Variants in METTL3 observed in about 807,000 individuals in gnomAD.
METTL3 encodes methyltransferase 3, N6-adenosine-methyltransferase complex catalytic subunit, also known as N(6)-adenosine-methyltransferase catalytic subunit METTL3.
In METTL3, 42 loss-of-function variants were observed where a neutral mutation model predicts 64.3. That is an observed-to-expected ratio of 0.65 (90% CI 0.51 to 0.84). METTL3 has a LOEUF of 0.84. Among genes scored for constraint, METTL3 ranks in the 40% least tolerant of loss-of-function variants. The probability of loss-of-function intolerance (pLI) is 0.00; values close to 1 mark genes in which losing one functional copy is unlikely to be tolerated. For missense variants in METTL3, 435 were observed against 722.3 expected (o/e 0.60, Z 4.56); for synonymous variants, 256 against 263.6 (o/e 0.97, Z 0.28).
chr14:21,511,304 A>G lies in METTL3; in HGVS notation c.-81T>C, dbSNP rs916118148. On this transcript the variant is annotated 5_prime_UTR_variant, in exon 1 of 11. Coordinates refer to ENST00000298717, the MANE Select transcript of METTL3 (RefSeq NM_019852.5). ...CAGCACTCGCTCCAGGATATAGCCA[A>G]TTCTCACGCGGACACCCCGAAGGCT... is the stretch of plus-strand genomic sequence containing the variant. The G allele has an allele frequency of 2.2e-5, 33 of 1,518,280 alleles. No homozygotes were observed. The South Asian group carries it at 3.0e-4, about 14-fold the overall frequency. 94.1% of individuals were successfully genotyped at this position (1,518,280 alleles called of 1,614,324 possible).
chr14:21,504,548 G>A lies in METTL3; in HGVS notation c.101-667C>T, dbSNP rs1357467589. ...AATATCTGTGGTTAATTAAAATATA[G>A]ATGAAATATTAAACTCCTAAGAACT... On this transcript the variant is annotated intron_variant, in intron 1 of 10. Transcript: ENST00000298717. 7 of 152,236 alleles carry A rather than the reference G, an allele frequency of 4.6e-5. No homozygotes were observed. The East Asian group carries it at 1.3e-3, about 29-fold the overall frequency. The allele number at this position is 152,236 out of a possible 1,614,324, so 9.4% of individuals were successfully genotyped here. A position where few individuals can be genotyped will look rare whatever the true frequency, so the allele number is the denominator to read the frequency against.
In METTL3 at chr14:21,500,940, G is replaced by A. The variant is rs761825497; in HGVS notation, c.1089C>T (p.Ser363=). The stretch of plus-strand genomic sequence containing the variant: ...GAGGTGGGAAGAGTCGGTCTGCACT[G>A]GAATCACCTCCGACACTCTGTGTAA... ...LALTQSVGGD[S]SADRLFPPQW... is the part of the protein sequence containing the mutation. The change falls in exon 5 of 11, where the codon TCC becomes TCT. Residue 363 remains serine, a synonymous_variant. Transcript: ENST00000298717. The A allele has an allele frequency of 1.9e-6, 3 of 1,614,080 alleles. No homozygotes were observed. The highest frequency in any genetic ancestry group is 2.5e-6 in the Non-Finnish European group (3 of 1,180,002).
rs146603540 is a variant in METTL3, at chr14:21,499,522, G to A, written c.1422C>T (p.His474=). 4.6e-5 allele frequency: 75 copies of A among 1,614,100 alleles called. 1 individual carries two copies. In the African/African-American group the frequency reaches 8.8e-4, roughly 19 times the overall value. ...AGTGTTCCTTCCCATGGTTCAACCA[G>A]TGACCTGTACGGCCTGTCCGAATGA... is the stretch of plus-strand genomic sequence containing the variant. The part of the protein sequence containing the change: ...QRIIRTGRTG[H]WLNHGKEHCL... The change falls in exon 8 of 11, where the codon CAC becomes CAT. Residue 474 remains histidine, a synonymous_variant. Coordinates refer to ENST00000298717, the MANE Select transcript of METTL3 (RefSeq NM_019852.5).
chr14:21,503,502 T>G lies in METTL3; in HGVS notation c.394A>C (p.Lys132Gln). ...GCATCATCTTGTAGGAGACCTCGCT[T>G]TACCTCAATCAACTCCTGAGCTGCA... ...KFAAQELIEV[K>Q]RGLLQDDAHP... Residue 132 changes from lysine (K) to glutamine (Q), a missense_variant, in exon 3 of 11, where the codon AAG becomes CAG. Physicochemically the swap from Lys to Gln is moderately conservative, Grantham distance 53. Transcript: ENST00000298717. 1 of 1,612,188 alleles carries G rather than the reference T, an allele frequency of 6.2e-7. No homozygotes were observed.
chr14:21,506,893 A>G (rs1891711576), intron 1 of METTL3, among the ~76,000 whole-genome samples: 1 of 152,142 alleles, frequency 6.6e-6, no homozygotes, highest in Admixed American at 6.5e-5. Context: ...TAGCCAGGCA[A>G]GGTTGTATGT....
At position 21,499,719 on chromosome 14, in the gene METTL3, G is replaced by A. The variant is rs754054029; in HGVS notation, c.1343+45C>T. On this transcript the variant is annotated intron_variant, in intron 7 of 10. Coordinates refer to ENST00000298717, the MANE Select transcript of METTL3 (RefSeq NM_019852.5). ...GGGAGAAGAGAACATGTATCTCACT[G>A]TAACAGTATTACCCTCAAAAGAAAG... 7.5e-6 allele frequency: 12 copies of A among 1,594,304 alleles called. No homozygotes were observed. In the Middle Eastern group the frequency reaches 8.3e-4, roughly 110 times the overall value.
At chr14:21,499,440 A>C (rs1053310517) in intron 8 of METTL3, 52 bp downstream of exon 8, 2 of 1,608,298 alleles carry the variant, frequency 1.2e-6, no homozygotes, top group African/African-American at 1.3e-5. Context: ...TAAGAAATCA[A>C]ATGATTCTTC....
intron 1 of METTL3, 105 bp downstream of exon 1, chr14:21,511,019 T>C (rs1343172103): frequency 8.9e-6 from 12 of 1,343,468 alleles, no homozygotes; most frequent in Non-Finnish European, 1.1e-5. Flanking sequence ...CGAGGCTTTA[T>C]AGAAATGGCC....
At chr14:21,508,799 C>A (rs536526811) in intron 1 of METTL3, among the ~76,000 whole-genome samples, 21 of 152,294 alleles carry the variant, frequency 1.4e-4, no homozygotes, top group Non-Finnish European at 2.6e-4. Flanking sequence ...GAAGCTGAGG[C>A]AGGAGAATCA....
chr14:21,509,510 T>C (rs1206668229), intron 1 of METTL3: 1 of 152,110 alleles, frequency 6.6e-6, no homozygotes, highest in Non-Finnish European at 1.5e-5. Context: ...TTGGGAGGCT[T>C]AGGCAAGAGG....
At chr14:21,508,683 T>C (rs1170992964) in intron 1 of METTL3, among the ~76,000 whole-genome samples, 1 of 151,742 alleles carries the variant, frequency 6.6e-6, no homozygotes, top group Non-Finnish European at 1.5e-5. Context: ...TCAGCAGAGG[T>C]TGGGAGTTTG....
chr14:21,500,531 T>G lies in METTL3; in HGVS notation c.1268A>C (p.Gln423Pro). The change falls in exon 6 of 11, where the codon CAG (glutamine) becomes CCG (proline). Residue 423 changes from glutamine (Q) to proline (P), a missense_variant. This residue lies in a region of METTL3 where 36 missense variants were observed against 73.0 expected (regional missense o/e 0.49). Transcript: ENST00000298717. ...CCAGAGGAAGAGAAAGCCATCATCC[T>G]GTAGTACGGGTATGTTGAGCCTGCG... Reference protein sequence around the residue: ...EMRRLNIPVLQDDGFLFLWVT... With the variant: ...EMRRLNIPVLPDDGFLFLWVT... 6.2e-7 allele frequency: 1 copy of G among 1,614,180 alleles called. No individual in the cohort carries two copies. The highest frequency in any genetic ancestry group is 8.5e-7 in the Non-Finnish European group (1 of 1,180,042).
Position 21,501,773 on chromosome 14 carries a change from A to G in METTL3, c.854T>C (p.Met285Thr), listed in dbSNP as rs149573823. 6 of 1,614,140 alleles carry G rather than the reference A, an allele frequency of 3.7e-6. No individual in the cohort carries two copies. Among genetic ancestry groups the G allele is most frequent in the African/African-American group, 1.3e-5 (1 of 75,038 alleles). The change falls in exon 4 of 11, where the codon ATG becomes ACG. Residue 285 changes from methionine to threonine, a missense_variant. Physicochemically the swap from Met to Thr is moderately conservative, Grantham distance 81. This residue lies in a region of METTL3 where 40 missense variants were observed against 89.6 expected (regional missense o/e 0.45). Coordinates refer to ENST00000298717, the MANE Select transcript of METTL3 (RefSeq NM_019852.5). The stretch of plus-strand genomic sequence containing the variant: ...GGGTCGATCAGCATCACTGGCTTTC[A>G]TGCACTCCTCCTTGGTTCCATAGTC... ...FCDYGTKEEC[M>T]KASDADRPCR...
Position 21,503,648 on chromosome 14 carries a change from T to G in METTL3, c.318+16A>C. On this transcript the variant is annotated intron_variant, in intron 2 of 10. Transcript: ENST00000298717. ...CTGAAAATAAGTGGTAAATCCTAAC[T>G]CTGTCAGGTCATTACCGTGGAGATG... 1 of 1,614,036 alleles carries G rather than the reference T, an allele frequency of 6.2e-7. No homozygotes were observed. The highest frequency in any genetic ancestry group is 8.5e-7 in the Non-Finnish European group (1 of 1,179,884).
rs1250463649 is a variant in METTL3, at chr14:21,503,409, T to C, written c.487A>G (p.Lys163Glu). Residue 163 changes from lysine (K) to glutamate (E), a missense_variant, in exon 3 of 11, where the codon AAG becomes GAG. Around this residue, in one of 9 missense-constraint regions of METTL3, gnomAD observed 228 missense variants for 279.6 expected, o/e 0.82. Coordinates refer to ENST00000298717, the MANE Select transcript of METTL3 (RefSeq NM_019852.5). ...CCTGCTACCTCCCCAGGGCCCTTCTTTTCTGCCACAGCACCCATCATGGCA... is the reference window on the plus strand; with the variant it reads ...CCTGCTACCTCCCCAGGGCCCTTCTCTTCTGCCACAGCACCCATCATGGCA... ...LSAMMGAVAEKKGPGEVAGTV... is the reference protein window; with the variant it reads ...LSAMMGAVAEEKGPGEVAGTV... 1.9e-6 allele frequency: 3 copies of C among 1,614,038 alleles called. No individual in the cohort carries two copies. In the South Asian group the frequency reaches 3.3e-5, roughly 18 times the overall value.
intron 4 of METTL3, 63 bp from the exon 5 acceptor site, chr14:21,501,192 C>G: frequency 7.9e-7 from 1 of 1,268,772 alleles, no homozygotes; most frequent in Non-Finnish European, 1.1e-6. Context: ...AGTTCAAATT[C>G]CAAATGATTT....
intron 1 of METTL3, chr14:21,504,325 A>G (rs764466376): frequency 6.9e-5 from 12 of 172,836 alleles, no homozygotes; most frequent in Non-Finnish European, 1.4e-4. Context: ...CAAAATGACA[A>G]TGTTGGGGGC....
At chr14:21,500,868 A>T (rs776676531) in intron 5 of METTL3, 45 bp downstream of exon 5, 2 of 1,573,962 alleles carry the variant, frequency 1.3e-6, no homozygotes, top group Non-Finnish European at 1.7e-6. Context: ...GCCCTATCAA[A>T]CATAAGTCCG....
chr14:21,506,288 T>C (rs539069565), intron 1 of METTL3, among the ~76,000 whole-genome samples: 71 of 152,152 alleles, frequency 4.7e-4, no homozygotes, highest in Admixed American at 1.2e-3. Flanking sequence ...CGTGGTTGGC[T>C]CACACCTGTA....
Sources: gnomAD v4.1 joint callset for allele counts (sites outside exome capture counted in the v4.1 genomes callset) on GRCh38, gnomAD v4.1.1 for gene constraint, gnomAD v4.1.1 regional missense constraint, MANE v1.5 for transcripts, NCBI Gene and HGNC (gene_info 2026-07-23, HGNC 2026-07-21) for gene names.